The following HYAL4 variants were observed in gnomAD, a reference collection of about 807,000 sequenced individuals.
The protein encoded by HYAL4 is hyaluronidase 4.
Under a neutral mutation model 35.2 loss-of-function variants are expected in HYAL4, and 37 were observed. That is an observed-to-expected ratio of 1.05 (90% CI 0.81 to 1.38). The LOEUF is 1.38. Ranked by LOEUF, HYAL4 falls within the 40% of genes most tolerant of loss-of-function variation. The probability of loss-of-function intolerance (pLI) is 0.00; values close to 1 mark genes in which losing one functional copy is unlikely to be tolerated. For missense variants in HYAL4, 572 were observed against 572.4 expected (o/e 1.00, Z 0.01); for synonymous variants, 198 against 203.2 (o/e 0.97, Z 0.22).
chr7:123,862,688 T>C (rs1806601134), intron 2 of HYAL4, among the ~76,000 whole-genome samples: 1 of 149,918 alleles, frequency 6.7e-6, no homozygotes, highest in Non-Finnish European at 1.5e-5. Flanking sequence ...GTCTCATAAA[T>C]AACTGGTTTG....
At chr7:123,768,263 T>C in the HYAL4 span, among the ~76,000 whole-genome samples, 1 of 152,208 alleles carries the variant, frequency 6.6e-6, no homozygotes, top group Non-Finnish European at 1.5e-5. Flanking sequence ...TTGCCATTAT[T>C]AAAATAAAAA....
the HYAL4 span, among the ~76,000 whole-genome samples, chr7:123,768,673 A>G: frequency 6.6e-6 from 1 of 152,300 alleles, no homozygotes; most frequent in East Asian, 1.9e-4. Flanking sequence ...TCTTGGTAGT[A>G]TTGTCAGTCC....
rs948328129 is a variant in HYAL4 at position 123,845,590 on chromosome 7, A to G, written c.-217A>G. ...TAAATTTCCTTAAATTGGACTTCAC[A>G]TTTTTCTGATGCCTCCTTGTTTAGC... On this transcript the variant is annotated 5_prime_UTR_variant, in exon 1 of 5. Coordinates refer to ENST00000223026, the MANE Select transcript of HYAL4 (RefSeq NM_012269.3). 29 of 151,174 alleles carry G rather than the reference A, an allele frequency of 1.9e-4. No individual in the cohort carries two copies. The highest frequency in any genetic ancestry group is 6.3e-4 in the African/African-American group (26 of 41,054). 9.4% of individuals were successfully genotyped at this position (151,174 alleles called of 1,614,324 possible).
chr7:123,807,207 T>C, the HYAL4 span, among the ~76,000 whole-genome samples: 1 of 152,144 alleles, frequency 6.6e-6, no homozygotes, highest in Non-Finnish European at 1.5e-5. Context: ...AAATTTAAAA[T>C]ACAGGCAAAC....
At chr7:123,770,534 G>A in the HYAL4 span, among the ~76,000 whole-genome samples, 2 of 151,968 alleles carry the variant, frequency 1.3e-5, no homozygotes, top group Non-Finnish European at 2.9e-5. Context: ...AACAAGATGA[G>A]TCAGGGTGGA....
chr7:123,866,261 C>T (rs369654956), intron 2 of HYAL4, among the ~76,000 whole-genome samples: 2 of 152,206 alleles, frequency 1.3e-5, no homozygotes, highest in Non-Finnish European at 2.9e-5. Flanking sequence ...TTATGGGCAT[C>T]AGGTTCAGAA....
At chr7:123,843,357 C>T (rs1428061829), upstream of HYAL4, among the ~76,000 whole-genome samples, 1 of 152,088 alleles carries the variant, frequency 6.6e-6, no homozygotes, top group Non-Finnish European at 1.5e-5. Flanking sequence ...AGCATTTCTG[C>T]TGAAAGATCT....
chr7:123,770,754 C>G, the HYAL4 span, among the ~76,000 whole-genome samples: 15 of 151,408 alleles, frequency 9.9e-5, no homozygotes, highest in Middle Eastern at 3.2e-3. Flanking sequence ...TTACATGATC[C>G]GAGTTGTGCT....
the HYAL4 span, among the ~76,000 whole-genome samples, chr7:123,786,550 A>T: frequency 1.3e-5 from 2 of 152,120 alleles, no homozygotes; most frequent in East Asian, 3.9e-4. Context: ...AAACAAATAG[A>T]ATATTAAAAG....
At chr7:123,775,448 T>G in the HYAL4 span, among the ~76,000 whole-genome samples, 1 of 151,282 alleles carries the variant, frequency 6.6e-6, no homozygotes, top group East Asian at 1.9e-4. Context: ...GAAAAAAAAA[T>G]GAAAGAAAAA....
chr7:123,871,341 G>A lies in HYAL4; in HGVS notation c.954+2114G>A, dbSNP rs1213320142. On this transcript the variant is annotated intron_variant, in intron 3 of 4. Coordinates refer to ENST00000223026, the MANE Select transcript of HYAL4 (RefSeq NM_012269.3). Reference sequence around the variant, plus strand: ...AAGTAGCTGAGGTTACACTGCATGCGCCGCCATGCCCAGCTAATTTTTGTG... The same window carrying A: ...AAGTAGCTGAGGTTACACTGCATGCACCGCCATGCCCAGCTAATTTTTGTG... Among the ~76,000 whole-genome samples, 5 of 151,932 alleles carry A rather than the reference G, an allele frequency of 3.3e-5. No individual in the cohort carries two copies. The East Asian group carries it at 7.7e-4, about 24-fold the overall frequency.
chr7:123,785,005 A>G, the HYAL4 span, among the ~76,000 whole-genome samples: 8 of 152,168 alleles, frequency 5.3e-5, no homozygotes, highest in Non-Finnish European at 1.2e-4. This position sits in a 1 kb window ranked among gnomAD's most constrained non-coding sequence, Gnocchi z 4.5. Context: ...CAGCTGGATA[A>G]TTTATTTTCA....
At chr7:123,807,432 G>GTTTTTTT in the HYAL4 span, among the ~76,000 whole-genome samples, 13 of 120,802 alleles carry the variant, frequency 1.1e-4, no homozygotes, top group Non-Finnish European at 1.9e-4. Flanking sequence ...ACTTTTTATG[G>GTTTTTTT]TTTTTTTTTT....
chr7:123,812,109 G>A, the HYAL4 span, among the ~76,000 whole-genome samples: 1 of 152,084 alleles, frequency 6.6e-6, no homozygotes, highest in Admixed American at 6.5e-5. Context: ...CAAAGTGCTG[G>A]GAATACAGGT....
intron 1 of HYAL4, among the ~76,000 whole-genome samples, chr7:123,839,674 A>G (rs966118926): frequency 2.0e-5 from 3 of 152,206 alleles, no homozygotes; most frequent in African/African-American, 7.2e-5. Flanking sequence ...AATGATTGCC[A>G]TTCTAACTGG....
At chr7:123,843,847 A>C (rs1026480826), upstream of HYAL4, among the ~76,000 whole-genome samples, 1 of 151,846 alleles carries the variant, frequency 6.6e-6, no homozygotes, top group Admixed American at 6.6e-5. Flanking sequence ...CAGCTCCATC[A>C]GGTCATTTAA....
chr7:123,850,529 C>T (rs567975604), intron 2 of HYAL4, among the ~76,000 whole-genome samples: 3 of 152,198 alleles, frequency 2.0e-5, no homozygotes, highest in Admixed American at 6.5e-5. Flanking sequence ...CTTGAGCCAC[C>T]GTGCGACTCT....
At chr7:123,801,206 A>G in the HYAL4 span, among the ~76,000 whole-genome samples, 1 of 152,128 alleles carries the variant, frequency 6.6e-6, no homozygotes, top group East Asian at 1.9e-4. Flanking sequence ...CATTATTCAT[A>G]TTATTTCTCA....
chr7:123,863,693 G>T (rs150583187), intron 2 of HYAL4, among the ~76,000 whole-genome samples: 1 of 152,296 alleles, frequency 6.6e-6, no homozygotes, highest in East Asian at 1.9e-4. Context: ...TTTAAAAGTG[G>T]CCTGGCTTTG....
Sources: allele counts gnomAD v4.1 joint callset (sites outside exome capture counted in the v4.1 genomes callset), GRCh38; gene constraint gnomAD v4.1.1; non-coding constraint Gnocchi (gnomAD v3.1); transcripts MANE v1.5; gene names NCBI Gene and HGNC (gene_info 2026-07-23, HGNC 2026-07-21).